ANKRD55: variants seen among roughly 807,000 people sequenced by gnomAD.
ANKRD55 encodes the protein ankyrin repeat domain-containing protein 55.
Under a neutral mutation model 60.6 loss-of-function variants are expected in ANKRD55, and 41 were observed. That is an observed-to-expected ratio of 0.68 (90% confidence interval 0.53 to 0.88). ANKRD55 has a LOEUF of 0.88. Among genes scored for constraint, ANKRD55 ranks in the 40% least tolerant of loss-of-function variants. The pLI, the probability that ANKRD55 is intolerant of heterozygous loss-of-function variation, is 0.00. For synonymous variants in ANKRD55, 264 were observed against 290.3 expected (o/e 0.91, Z 0.92); for missense variants, 732 against 767.6 (o/e 0.95, Z 0.55).
Position 56,172,744 on chromosome 5 carries a change from G to A in ANKRD55, c.313-1941C>T, listed in dbSNP as rs531194433. Among the ~76,000 whole-genome samples the A allele has an allele frequency of 4.0e-5, 6 of 151,522 alleles. No homozygotes were observed. The East Asian group carries it at 5.8e-4, about 15-fold the overall frequency. On this transcript the variant is annotated intron_variant, in intron 4 of 11. Coordinates refer to ENST00000341048, the MANE Select transcript of ANKRD55 (RefSeq NM_024669.3). Reference sequence around the variant, plus strand: ...GTGATGGGCATTTTTTTTTTATTACGTGTTACAAATGAAGGAGAAAGCACA... The same window carrying A: ...GTGATGGGCATTTTTTTTTTATTACATGTTACAAATGAAGGAGAAAGCACA...
chr5:56,173,696 C>T (rs889217873), intron 4 of ANKRD55, among the ~76,000 whole-genome samples: 1 of 150,616 alleles, frequency 6.6e-6, no homozygotes, highest in Non-Finnish European at 1.5e-5. Flanking sequence ...AGGCATGCGC[C>T]ACCACGCCCG....
At chr5:56,143,988 G>T in intron 6 of ANKRD55, 59 bp from the exon 7 acceptor site, 1 of 1,607,850 alleles carries the variant, frequency 6.2e-7, no homozygotes, top group East Asian at 2.2e-5. Flanking sequence ...AAGAAAACTG[G>T]AGCTCACACT....
chr5:56,127,245 A>G lies in ANKRD55; in HGVS notation c.613-139T>C, dbSNP rs898136033. The G allele has an allele frequency of 3.1e-6, 4 of 1,300,458 alleles. No homozygotes were observed. The African/African-American group carries it at 4.6e-5, about 15-fold the overall frequency. The allele number at this position is 1,300,458 out of a possible 1,614,324, so 80.6% of individuals were successfully genotyped here. A position where few individuals can be genotyped will look rare whatever the true frequency, so the allele number is the denominator to read the frequency against. On this transcript the variant is annotated intron_variant, in intron 7 of 11. Transcript: ENST00000341048. Reference sequence around the variant, plus strand: ...AAGATGAAAAGAGAAAAGGAAATGGAAAAAAAAGAATAAAAATACACTCTA... The same window carrying G: ...AAGATGAAAAGAGAAAAGGAAATGGGAAAAAAAGAATAAAAATACACTCTA...
rs144527191 is a variant in ANKRD55 at position 56,150,595 on chromosome 5, G to A, written c.484-6666C>T. Among the ~76,000 whole-genome samples the A allele has an allele frequency of 2.6e-3, 396 of 151,778 alleles. 1 individual carries two copies. Among genetic ancestry groups the A allele is most frequent in the African/African-American group, 9.3e-3 (384 of 41,368 alleles). Reference sequence around the variant, plus strand: ...CTCTGGCCTCACAGAGTGAGACCCCGTCTCAATAAATAAATAAATAGGCTG... The same window carrying A: ...CTCTGGCCTCACAGAGTGAGACCCCATCTCAATAAATAAATAAATAGGCTG... On this transcript the variant is annotated intron_variant, in intron 6 of 11. Transcript: ENST00000341048.
At chr5:56,157,249 C>G (rs1461725367) in intron 6 of ANKRD55, among the ~76,000 whole-genome samples, 1 of 152,200 alleles carries the variant, frequency 6.6e-6, no homozygotes, top group African/African-American at 2.4e-5. Context: ...TAAAAGTCAT[C>G]ACCACTCCCT....
intron 5 of ANKRD55, among the ~76,000 whole-genome samples, chr5:56,161,122 C>T (rs921534162): frequency 2.0e-5 from 3 of 152,216 alleles, no homozygotes; most frequent in South Asian, 2.1e-4. Context: ...ACCCTGGCTC[C>T]ATCTCAGAAT....
At chr5:56,128,203 A>T (rs1042665400) in intron 7 of ANKRD55, among the ~76,000 whole-genome samples, 7 of 152,210 alleles carry the variant, frequency 4.6e-5, no homozygotes, top group Non-Finnish European at 8.8e-5. Flanking sequence ...TTTTGTTTAC[A>T]ATTTCCTGGA....
intron 5 of ANKRD55, among the ~76,000 whole-genome samples, chr5:56,166,134 C>CTTTG (rs1469411761): frequency 1.0e-5 from 1 of 99,514 alleles, no homozygotes; most frequent in Non-Finnish European, 1.9e-5. Flanking sequence ...TTCTTTCTTT[C>CTTTG]TTTCTTTCTT....
chr5:56,120,429 ACTTTGTGCTCAACCT>A (rs1433649613), intron 8 of ANKRD55, among the ~76,000 whole-genome samples: 1 of 152,214 alleles, frequency 6.6e-6, no homozygotes, highest in Non-Finnish European at 1.5e-5. Flanking sequence ...GGGATGGTTG[ACTTTGTGCTCAACCT>A]CAGGGGAGGA....
At chr5:56,166,591 C>T (rs140335552) in intron 5 of ANKRD55, among the ~76,000 whole-genome samples, 1,763 of 151,264 alleles carry the variant, frequency 0.012, 30 homozygotes, top group African/African-American at 0.04. Flanking sequence ...TGTTTTCAGA[C>T]AAATATGGTG....
intron 2 of ANKRD55, among the ~76,000 whole-genome samples, chr5:56,207,086 C>T (rs572072623): frequency 5.3e-5 from 8 of 152,354 alleles, no homozygotes; most frequent in South Asian, 4.1e-4. Flanking sequence ...CTAAGTGAAT[C>T]GCCCTTCTAT....
intron 8 of ANKRD55, among the ~76,000 whole-genome samples, chr5:56,126,029 G>A (rs1757242929): frequency 6.6e-6 from 1 of 152,166 alleles, no homozygotes; most frequent in Non-Finnish European, 1.5e-5. Flanking sequence ...AGCTACTTGG[G>A]AGGTTGAGGC....
At chr5:56,166,754 TCA>T (rs1758494385) in intron 5 of ANKRD55, among the ~76,000 whole-genome samples, 1 of 151,954 alleles carries the variant, frequency 6.6e-6, no homozygotes, top group Non-Finnish European at 1.5e-5. Flanking sequence ...TGCTCTGAAG[TCA>T]CAGTGTCTGT....
rs1434054574 is a variant in ANKRD55, at chr5:56,166,146, CTTT to C, written c.422+4545_422+4547del. Among the ~76,000 whole-genome samples, 278 of 91,404 alleles carry C rather than the reference CTTT, an allele frequency of 3.0e-3. 6 individuals carry two copies. Among genetic ancestry groups the C allele is most frequent in the African/African-American group, 0.012 (164 of 13,538 alleles). The allele number at this position is 91,404 out of a possible 152,430, so 60.0% of individuals were successfully genotyped here. A position where few individuals can be genotyped will look rare whatever the true frequency, so the allele number is the denominator to read the frequency against. ...TCTTTCTTTCTTTCTTTCTTTCTTTCTTTCTTTCTTCTTTCCTTCCTTCCTTCC... is the reference window on the plus strand; with the variant it reads ...TCTTTCTTTCTTTCTTTCTTTCTTTCCTTTCTTCTTTCCTTCCTTCCTTCC... On this transcript the variant is annotated intron_variant, in intron 5 of 11. Coordinates refer to ENST00000341048, the MANE Select transcript of ANKRD55 (RefSeq NM_024669.3).
rs147653285 is a variant in ANKRD55 at position 56,143,343 on chromosome 5, G to A, written c.612+458C>T. 4.5e-4 allele frequency among the ~76,000 whole-genome samples: 69 copies of A among 152,260 alleles called. No homozygotes were observed. The East Asian group carries it at 0.013, about 28-fold the overall frequency. On this transcript the variant is annotated intron_variant, in intron 7 of 11. Transcript: ENST00000341048. ...GATTTGTTTGGTTGTGTGTATTGACGTGGACTCCCTTATGTGATAGTGATG... is the reference window on the plus strand; with the variant it reads ...GATTTGTTTGGTTGTGTGTATTGACATGGACTCCCTTATGTGATAGTGATG...
chr5:56,218,864 T>A (rs879300715), intron 2 of ANKRD55, among the ~76,000 whole-genome samples: 1 of 151,726 alleles, frequency 6.6e-6, no homozygotes, highest in African/African-American at 2.4e-5. Context: ...AAAGAGCAAA[T>A]GATAAAGCAA....
At position 56,224,213 on chromosome 5, in the gene ANKRD55, T is replaced by G. The variant is rs564842786; in HGVS notation, c.58+8643A>C. On this transcript the variant is annotated intron_variant, in intron 2 of 11. Coordinates refer to ENST00000341048, the MANE Select transcript of ANKRD55 (RefSeq NM_024669.3). ...CAAAACTGCTCAACTACATGGAAACTGGACAACCTGCTCCTGAATGACTAC... is the reference window on the plus strand; with the variant it reads ...CAAAACTGCTCAACTACATGGAAACGGGACAACCTGCTCCTGAATGACTAC... Among the ~76,000 whole-genome samples the G allele has an allele frequency of 6.7e-3, 1,019 of 152,318 alleles. 7 individuals carry two copies. The highest frequency in any genetic ancestry group is 0.024 in the African/African-American group (996 of 41,568).
chr5:56,158,477 G>C (rs2111790132), intron 6 of ANKRD55, among the ~76,000 whole-genome samples: 1 of 152,292 alleles, frequency 6.6e-6, no homozygotes, highest in East Asian at 1.9e-4. Flanking sequence ...GAGTTAAGCA[G>C]ATCTAACAAG....
intron 2 of ANKRD55, among the ~76,000 whole-genome samples, chr5:56,202,114 G>A (rs1174616937): frequency 6.6e-6 from 1 of 152,170 alleles, no homozygotes; most frequent in Non-Finnish European, 1.5e-5. Flanking sequence ...TGGACACATG[G>A]AGAGGAACAA....
Sources: gnomAD v4.1 joint callset for allele counts (sites outside exome capture counted in the v4.1 genomes callset) on GRCh38, gnomAD v4.1.1 for gene constraint, MANE v1.5 for transcripts, NCBI Gene and HGNC (gene_info 2026-07-23, HGNC 2026-07-21) for gene names.